Variants in TMTC1 observed in about 807,000 individuals in gnomAD.
TMTC1 encodes transmembrane O-mannosyltransferase targeting cadherins 1.
Under a neutral mutation model 104.8 loss-of-function variants are expected in TMTC1, and 73 were observed. The ratio of observed to expected loss-of-function variants is 0.70; its 90% CI spans 0.58 to 0.85. TMTC1 has a LOEUF of 0.85. Among genes scored for constraint, TMTC1 ranks in the 40% least tolerant of loss-of-function variants. The pLI, the probability that TMTC1 is intolerant of heterozygous loss-of-function variation, is 0.00. For missense variants in TMTC1, 1,035 were observed against 1,096.1 expected (o/e 0.94, Z 0.79); for synonymous variants, 434 against 428.7 (o/e 1.01, Z -0.15).
rs1192366377 is a variant in TMTC1 at position 29,783,649 on chromosome 12, C to G, written c.103G>C (p.Gly35Arg). The change falls in exon 1 of 18, where the codon GGG becomes CGG. Residue 35 changes from glycine (G) to arginine (R), a missense_variant. Coordinates refer to ENST00000539277, the MANE Select transcript of TMTC1 (RefSeq NM_001193451.2). This position sits in a 1 kb window ranked among gnomAD's most constrained non-coding sequence, Gnocchi z 4.7. ...APAGAAALLA[G>R]ASCLCYGRSL... is the part of the protein sequence containing the mutation. ...CGGCCGTAGCACAGGCAGCTTGCCC[C>G]GGCCAGCAGCGCCGCGGCCCCGGCC... 1.4e-6 allele frequency: 2 copies of G among 1,410,236 alleles called. No homozygotes were observed. Among genetic ancestry groups the G allele is most frequent in the Non-Finnish European group, 1.8e-6 (2 of 1,081,448 alleles). 87.4% of individuals were successfully genotyped at this position (1,410,236 alleles called of 1,614,324 possible).
intron 5 of TMTC1, among the ~76,000 whole-genome samples, chr12:29,638,979 T>C (rs1183187496): frequency 1.3e-5 from 2 of 152,228 alleles, no homozygotes; most frequent in Non-Finnish European, 2.9e-5. Context: ...AATTACTGTC[T>C]TTAGCATCTT....
At chr12:29,770,483 C>T (rs1397404660) in intron 1 of TMTC1, among the ~76,000 whole-genome samples, 1 of 152,158 alleles carries the variant, frequency 6.6e-6, no homozygotes, top group African/African-American at 2.4e-5. Flanking sequence ...CACCTAATTC[C>T]ATCTGTGGGG....
At chr12:29,669,267 G>C (rs932004202) in intron 5 of TMTC1, among the ~76,000 whole-genome samples, 4 of 152,198 alleles carry the variant, frequency 2.6e-5, no homozygotes, top group African/African-American at 9.7e-5. Context: ...TCTAATACTG[G>C]TACAGTGGTG....
At chr12:29,779,700 G>A (rs1165438202) in intron 1 of TMTC1, among the ~76,000 whole-genome samples, 1 of 152,154 alleles carries the variant, frequency 6.6e-6, no homozygotes, top group African/African-American at 2.4e-5. Flanking sequence ...TATGTTTGGA[G>A]TATTGCACTG....
intron 5 of TMTC1, among the ~76,000 whole-genome samples, chr12:29,658,024 C>T (rs532792476): frequency 1.9e-4 from 29 of 151,924 alleles, no homozygotes; most frequent in South Asian, 6.2e-4. Flanking sequence ...ACCAGGGAGG[C>T]GGAGGTTGCA....
intron 5 of TMTC1, among the ~76,000 whole-genome samples, chr12:29,661,140 C>A (rs1591883073): frequency 6.6e-6 from 1 of 152,138 alleles, no homozygotes; most frequent in African/African-American, 2.4e-5. Context: ...ATAATAGTAT[C>A]TACCTCACAG....
intron 5 of TMTC1, among the ~76,000 whole-genome samples, chr12:29,739,735 G>T (rs1942775813): frequency 6.6e-6 from 1 of 151,998 alleles, no homozygotes; most frequent in African/African-American, 2.4e-5. Flanking sequence ...CCGAGATGGG[G>T]TCTTGCTCTG....
At chr12:29,535,685 C>T (rs1230538737) in intron 11 of TMTC1, 2 of 154,844 alleles carry the variant, frequency 1.3e-5, no homozygotes, top group Non-Finnish European at 1.4e-5. Context: ...GCATCTAAGA[C>T]TCTGAAAACT....
intron 5 of TMTC1, among the ~76,000 whole-genome samples, chr12:29,744,338 A>G (rs943918770): frequency 6.6e-6 from 1 of 152,252 alleles, no homozygotes; most frequent in African/African-American, 2.4e-5. Flanking sequence ...AACATGGCAC[A>G]TGTATACACA....
intron 5 of TMTC1, among the ~76,000 whole-genome samples, chr12:29,734,641 A>C (rs969708390): frequency 3.3e-5 from 5 of 152,138 alleles, no homozygotes; most frequent in African/African-American, 1.2e-4. Context: ...AATATACCAC[A>C]TTTCTCATGC....
intron 5 of TMTC1, among the ~76,000 whole-genome samples, chr12:29,679,978 A>G (rs1940859923): frequency 6.6e-6 from 1 of 152,210 alleles, no homozygotes; most frequent in African/African-American, 2.4e-5. Flanking sequence ...CTTAAAAACA[A>G]AAAGAATTAT....
chr12:29,708,629 A>G (rs985089997), intron 5 of TMTC1, among the ~76,000 whole-genome samples: 1 of 152,222 alleles, frequency 6.6e-6, no homozygotes, highest in Non-Finnish European at 1.5e-5. Context: ...CAGGATACCC[A>G]AAGTCAACAC....
chr12:29,574,899 G>C (rs1188995408), intron 8 of TMTC1, among the ~76,000 whole-genome samples: 2 of 152,182 alleles, frequency 1.3e-5, no homozygotes, highest in Non-Finnish European at 2.9e-5. Flanking sequence ...TCATGAGGGA[G>C]GGCCAGCAGC....
Position 29,502,788 on chromosome 12 carries a change from G to A in TMTC1, c.*4058C>T, listed in dbSNP as rs1214388878. 1 of 152,186 alleles carries A rather than the reference G, an allele frequency of 6.6e-6. No homozygotes were observed. The highest frequency in any genetic ancestry group is 2.4e-5 in the African/African-American group (1 of 41,454). The allele number at this position is 152,186 out of a possible 1,614,324, so 9.4% of individuals were successfully genotyped here. A position where few individuals can be genotyped will look rare whatever the true frequency, so the allele number is the denominator to read the frequency against. On this transcript the variant is annotated 3_prime_UTR_variant, in exon 18 of 18. Transcript: ENST00000539277. ...TCCCATTCCAGGTGTCAGCCCTGTA[G>A]TGGTTCTCCAGCCTAGCTGCACATA...
At chr12:29,700,463 G>A (rs1278746885) in intron 5 of TMTC1, among the ~76,000 whole-genome samples, 1 of 151,994 alleles carries the variant, frequency 6.6e-6, no homozygotes, top group African/African-American at 2.4e-5. Flanking sequence ...ATCTCCCAAA[G>A]TTCTGGAATT....
At chr12:29,632,680 T>C (rs1938356698) in intron 6 of TMTC1, among the ~76,000 whole-genome samples, 1 of 152,196 alleles carries the variant, frequency 6.6e-6, no homozygotes, top group Non-Finnish European at 1.5e-5. Flanking sequence ...GATAATGAAC[T>C]AGTACATTTG....
At chr12:29,577,995 T>C (rs1277544403) in intron 8 of TMTC1, among the ~76,000 whole-genome samples, 1 of 152,070 alleles carries the variant, frequency 6.6e-6, no homozygotes, top group African/African-American at 2.4e-5. Flanking sequence ...GCAGTAAGTT[T>C]TGAAGGCAAC....
intron 1 of TMTC1, among the ~76,000 whole-genome samples, chr12:29,778,586 G>A (rs945115131): frequency 1.3e-5 from 2 of 152,228 alleles, no homozygotes; most frequent in African/African-American, 4.8e-5. Context: ...CAGAGTCACA[G>A]ATGTTTTGAT....
At position 29,507,003 on chromosome 12, in the gene TMTC1, G is replaced by A. The variant is rs1452951609; in HGVS notation, c.2509-17C>T. ...ATATTTTCCCTGGGGGTGGGAAAGA[G>A]GGAGCAATTACATTCTGATCCATCA... On this transcript the variant is annotated splice_polypyrimidine_tract_variant and intron_variant, in intron 17 of 17. Transcript: ENST00000539277. 6.2e-7 allele frequency: 1 copy of A among 1,609,170 alleles called. No individual in the cohort carries two copies. Among genetic ancestry groups the A allele is most frequent in the Admixed American group, 1.7e-5 (1 of 59,996 alleles).
Sources: gnomAD v4.1 joint callset for allele counts (sites outside exome capture counted in the v4.1 genomes callset) on GRCh38, gnomAD v4.1.1 for gene constraint, Gnocchi (gnomAD v3.1) non-coding constraint, MANE v1.5 for transcripts, NCBI Gene and HGNC (gene_info 2026-07-23, HGNC 2026-07-21) for gene names.